The following MNS1 variants were observed in gnomAD, a reference collection of about 807,000 sequenced individuals.
MNS1 encodes meiosis specific nuclear structural 1, also known as meiosis-specific nuclear structural protein 1.
A neutral mutation model predicts 72.0 loss-of-function variants in MNS1; 63 were observed. The observed-to-expected ratio is 0.87, with a 90% CI of 0.71 to 1.08. The LOEUF is 1.08. MNS1 is among the 50% of genes least tolerant of loss of function. MNS1 has a pLI of 0.00. For missense variants in MNS1, 604 were observed against 562.4 expected (o/e 1.07, Z -0.75); for synonymous variants, 188 against 172.1 (o/e 1.09, Z -0.72).
At position 56,429,046 on chromosome 15, in the gene MNS1, C is replaced by A; in HGVS notation, c.*55G>T. Reference sequence around the variant, plus strand: ...ACTGAACTGTAAAACAAAAGTTATGCTGACATCTAGTGGTAACATGCAAAA... The same window carrying A: ...ACTGAACTGTAAAACAAAAGTTATGATGACATCTAGTGGTAACATGCAAAA... On this transcript the variant is annotated 3_prime_UTR_variant, in exon 10 of 10. Coordinates refer to ENST00000260453, the MANE Select transcript of MNS1 (RefSeq NM_018365.4). 1 of 1,140,616 alleles carries A rather than the reference C, an allele frequency of 8.8e-7. No individual in the cohort carries two copies. Among genetic ancestry groups the A allele is most frequent in the South Asian group, 1.5e-5 (1 of 66,482 alleles). The allele number at this position is 1,140,616 out of a possible 1,614,324, so 70.7% of individuals were successfully genotyped here. A position where few individuals can be genotyped will look rare whatever the true frequency, so the allele number is the denominator to read the frequency against.
At chr15:56,435,067 G>A (rs1336078956) in intron 7 of MNS1, among the ~76,000 whole-genome samples, 1 of 151,986 alleles carries the variant, frequency 6.6e-6, no homozygotes, top group East Asian at 1.9e-4. Context: ...ATGGGCCAAA[G>A]AGGGAATGCC....
intron 7 of MNS1, among the ~76,000 whole-genome samples, chr15:56,438,341 T>C (rs1263313464): frequency 1.3e-5 from 2 of 151,860 alleles, no homozygotes; most frequent in Non-Finnish European, 2.9e-5. Flanking sequence ...TCTTTTTTTT[T>C]GTTACAAAAA....
chr15:56,459,005 A>AT (rs1243243943), intron 2 of MNS1, among the ~76,000 whole-genome samples: 1 of 152,242 alleles, frequency 6.6e-6, no homozygotes, highest in Non-Finnish European at 1.5e-5. Flanking sequence ...CACACTATAT[A>AT]TAGCACATCT....
intron 7 of MNS1, among the ~76,000 whole-genome samples, chr15:56,439,674 C>T (rs1263376561): frequency 6.6e-6 from 1 of 151,494 alleles, no homozygotes; most frequent in African/African-American, 2.4e-5. Context: ...ATGGCAAAAA[C>T]TGTATTTAAG....
At chr15:56,437,825 G>C in intron 7 of MNS1, among the ~76,000 whole-genome samples, 1 of 152,042 alleles carries the variant, frequency 6.6e-6, no homozygotes. Flanking sequence ...ACCAATAACA[G>C]ACAGACAGAG....
rs771882144 is a variant in MNS1, at chr15:56,446,915, A to G, written c.382T>C (p.Leu128=). 6.2e-7 allele frequency: 1 copy of G among 1,609,432 alleles called. No homozygotes were observed. The highest frequency in any genetic ancestry group is 8.5e-7 in the Non-Finnish European group (1 of 1,179,034). The stretch of plus-strand genomic sequence containing the variant: ...TCTTTATTCATGTAAGCTGCTTTTA[A>G]TTTCTTCTCCAATTCTCTAAGCTCA... The part of the protein sequence containing the change: ...SIELRELEKK[L]KAAYMNKERA... The change falls in exon 4 of 10, where the codon TTA becomes CTA. Residue 128 remains leucine (L), a synonymous_variant. Transcript: ENST00000260453.
At chr15:56,434,856 C>T (rs992513869) in intron 7 of MNS1, among the ~76,000 whole-genome samples, 1 of 152,002 alleles carries the variant, frequency 6.6e-6, no homozygotes, top group African/African-American at 2.4e-5. Context: ...TCTAATATTC[C>T]CTTCATTCTC....
In MNS1 at chr15:56,438,028, T is replaced by C. The variant is rs370447933; in HGVS notation, c.1012-3633A>G. Among the ~76,000 whole-genome samples, 6 of 152,190 alleles carry C rather than the reference T, an allele frequency of 3.9e-5. No individual in the cohort carries two copies. The East Asian group carries it at 9.7e-4, about 25-fold the overall frequency. ...ATAGGAAGAATCAATATCGTGAAAA[T>C]GGCCATACTGCCCAAGGTAATTTAC... On this transcript the variant is annotated intron_variant, in intron 7 of 9. Coordinates refer to ENST00000260453, the MANE Select transcript of MNS1 (RefSeq NM_018365.4).
intron 7 of MNS1, among the ~76,000 whole-genome samples, chr15:56,440,925 T>A (rs1480248799): frequency 6.6e-6 from 1 of 152,188 alleles, no homozygotes; most frequent in African/African-American, 2.4e-5. Context: ...ACTTTTAGAC[T>A]ATTGTGAATA....
chr15:56,445,441 A>G (rs2050890590), intron 4 of MNS1, among the ~76,000 whole-genome samples: 1 of 152,068 alleles, frequency 6.6e-6, no homozygotes, highest in African/African-American at 2.4e-5. Flanking sequence ...TGGAATGGTC[A>G]GCAGCATCAA....
In MNS1 at chr15:56,458,334, A is replaced by G. The variant is rs1245236067; in HGVS notation, c.226-1813T>C. Among the ~76,000 whole-genome samples, 3 of 152,238 alleles carry G rather than the reference A, an allele frequency of 2.0e-5. No homozygotes were observed. In the South Asian group the frequency reaches 6.2e-4, roughly 32 times the overall value. Reference sequence around the variant, plus strand: ...TTGGGTTCACAACAAAATTGAGCAGAAAGTACACAGAGTTCCCATATATTC... The same window carrying G: ...TTGGGTTCACAACAAAATTGAGCAGGAAGTACACAGAGTTCCCATATATTC... On this transcript the variant is annotated intron_variant, in intron 2 of 9. Transcript: ENST00000260453.
At chr15:56,460,003 A>ATATATAT (rs1243035397) in intron 2 of MNS1, among the ~76,000 whole-genome samples, 3 of 32,856 alleles carry the variant, frequency 9.1e-5, no homozygotes, top group African/African-American at 3.4e-4. Context: ...AAAAAAAAAA[A>ATATATAT]AAAAAAATAC....
rs187640033 is a variant in MNS1 at position 56,463,044 on chromosome 15, A to C, written c.225+982T>G. Among the ~76,000 whole-genome samples the C allele has an allele frequency of 1.9e-4, 29 of 152,322 alleles. 1 individual carries two copies. The highest frequency in any genetic ancestry group is 5.2e-4 in the Admixed American group (8 of 15,306). On this transcript the variant is annotated intron_variant, in intron 2 of 9. Coordinates refer to ENST00000260453, the MANE Select transcript of MNS1 (RefSeq NM_018365.4). ...TAAATTTGCTTTTGTTATTCTCCAC[A>C]AAATCCTCCAAAATGTTTAACATAC...
intron 2 of MNS1, among the ~76,000 whole-genome samples, chr15:56,458,344 G>C (rs1448420479): frequency 1.3e-5 from 2 of 152,072 alleles, no homozygotes; most frequent in African/African-American, 4.8e-5. Flanking sequence ...AAAGTACACA[G>C]AGTTCCCATA....
chr15:56,431,441 T>A lies in MNS1; in HGVS notation c.1327A>T (p.Ile443Phe). ...AGTTTTAGCCTTTCTTCTTCAATAATTGCATTAATAAATCCTTGCCGCCTT... is the reference window on the plus strand; with the variant it reads ...AGTTTTAGCCTTTCTTCTTCAATAAATGCATTAATAAATCCTTGCCGCCTT... The part of the protein sequence containing the change: ...QQRRQGFINA[I>F]IEEERLKLLK... The change falls in exon 9 of 10, where the codon ATT (isoleucine) becomes TTT (phenylalanine). Residue 443 changes from isoleucine (I) to phenylalanine (F), a missense_variant. Transcript: ENST00000260453. The A allele has an allele frequency of 6.2e-7, 1 of 1,613,710 alleles. No individual in the cohort carries two copies. Among genetic ancestry groups the A allele is most frequent in the Non-Finnish European group, 8.5e-7 (1 of 1,179,866 alleles).
intron 9 of MNS1, 89 bp downstream of exon 9, chr15:56,431,284 C>G: frequency 6.7e-7 from 1 of 1,495,618 alleles, no homozygotes; most frequent in Non-Finnish European, 9.1e-7. Context: ...AAGAAGTGAG[C>G]AAAACCAAGG....
chr15:56,429,263 CAG>C (rs1301567930), intron 9 of MNS1, 70 bp from the exon 10 acceptor site: 2 of 977,704 alleles, frequency 2.0e-6, no homozygotes, highest in African/African-American at 3.3e-5. Context: ...TTAAGACTGA[CAG>C]ACATAAGATT....
intron 7 of MNS1, among the ~76,000 whole-genome samples, chr15:56,435,785 CAG>C (rs1221909882): frequency 6.6e-6 from 1 of 151,928 alleles, no homozygotes; most frequent in Admixed American, 6.6e-5. Flanking sequence ...TTCCAGAAAA[CAG>C]AAGAGGAGGA....
intron 2 of MNS1, among the ~76,000 whole-genome samples, chr15:56,456,830 T>C (rs916418472): frequency 6.6e-6 from 1 of 152,156 alleles, no homozygotes; most frequent in African/African-American, 2.4e-5. Context: ...TTTTTTCCCT[T>C]ATTCTTTTTC....
Sources: gnomAD v4.1 joint callset for allele counts (sites outside exome capture counted in the v4.1 genomes callset) on GRCh38, gnomAD v4.1.1 for gene constraint, MANE v1.5 for transcripts, NCBI Gene and HGNC (gene_info 2026-07-23, HGNC 2026-07-21) for gene names.